The following FBXW7 variants were observed in gnomAD, a reference collection of about 807,000 sequenced individuals.
FBXW7 encodes the protein F-box/WD repeat-containing protein 7.
A neutral mutation model predicts 86.3 loss-of-function variants in FBXW7; 11 were observed. That is an observed-to-expected ratio of 0.13 (90% CI 0.08 to 0.21). FBXW7 has a LOEUF of 0.21. Among genes scored for constraint, FBXW7 ranks in the 10% least tolerant of loss-of-function variants. FBXW7 has a pLI of 1.00. For missense variants in FBXW7, 488 were observed against 847.4 expected (o/e 0.58, Z 5.27); for synonymous variants, 313 against 297.9 (o/e 1.05, Z -0.52).
chr4:152,345,417 T>C (rs1210594234), intron 6 of FBXW7, among the ~76,000 whole-genome samples: 1 of 152,176 alleles, frequency 6.6e-6, no homozygotes, highest in East Asian at 1.9e-4. Context: ...AACATTTTAA[T>C]AACAATAAAA....
intron 2 of FBXW7, among the ~76,000 whole-genome samples, chr4:152,461,389 T>C (rs749984390): frequency 1.3e-5 from 2 of 152,240 alleles, no homozygotes; most frequent in Admixed American, 6.5e-5. Flanking sequence ...AACAAGACTT[T>C]ATTGTTTTTT....
rs770349201 is a variant in FBXW7 at position 152,322,983 on chromosome 4, C to A, written c.2022G>T (p.Arg674=). Residue 674 remains arginine (R), a synonymous_variant, in exon 14 of 14, where the codon CGG becomes CGT. Transcript: ENST00000281708. ...ESGGSGGVVW[R]IRASNTKLVC... Reference sequence around the variant, plus strand: ...CCAGCTTTGTGTTTGAGGCTCTGATCCGCCACACAACTCCCCCACTCCCCC... The same window carrying A: ...CCAGCTTTGTGTTTGAGGCTCTGATACGCCACACAACTCCCCCACTCCCCC... The A allele has an allele frequency of 1.9e-6, 3 of 1,613,760 alleles. No homozygotes were observed. The highest frequency in any genetic ancestry group is 1.7e-6 in the Non-Finnish European group (2 of 1,179,826).
At chr4:152,481,777 T>C (rs1022205961) in intron 2 of FBXW7, among the ~76,000 whole-genome samples, 8 of 152,198 alleles carry the variant, frequency 5.3e-5, no homozygotes, top group African/African-American at 1.7e-4. Flanking sequence ...CAGAGCCTGA[T>C]AACATGATTG....
At chr4:152,458,409 C>T (rs895478366) in intron 2 of FBXW7, among the ~76,000 whole-genome samples, 1 of 152,212 alleles carries the variant, frequency 6.6e-6, no homozygotes, top group Non-Finnish European at 1.5e-5. Context: ...TTAAGAGCAT[C>T]TAACAAATTT....
At chr4:152,532,960 G>T (rs377538683) in intron 2 of FBXW7, among the ~76,000 whole-genome samples, 2 of 152,304 alleles carry the variant, frequency 1.3e-5, no homozygotes. Context: ...GCCGAGGTGG[G>T]CAGATCATTT....
At chr4:152,424,066 C>T (rs2126925401) in intron 2 of FBXW7, among the ~76,000 whole-genome samples, 2 of 152,166 alleles carry the variant, frequency 1.3e-5, no homozygotes, top group Middle Eastern at 3.4e-3. Context: ...AGATGGGGGT[C>T]CCACTATGTT....
chr4:152,433,188 G>A (rs77925115), intron 2 of FBXW7, among the ~76,000 whole-genome samples: 2,080 of 152,254 alleles, frequency 0.014, 25 homozygotes, highest in Middle Eastern at 0.037. Context: ...GCTGCTATAA[G>A]CATTCTTGTG....
intron 4 of FBXW7, among the ~76,000 whole-genome samples, chr4:152,374,884 A>G (rs914531534): frequency 2.0e-5 from 3 of 151,078 alleles, no homozygotes; most frequent in Non-Finnish European, 4.4e-5. Context: ...GACTAGTTAC[A>G]GGAGGGGGGG....
At chr4:152,479,813 G>A (rs531705941) in intron 2 of FBXW7, among the ~76,000 whole-genome samples, 49 of 152,220 alleles carry the variant, frequency 3.2e-4, no homozygotes, top group East Asian at 2.1e-3. Flanking sequence ...CTTTGTAGTC[G>A]TACAAGATTT....
chr4:152,534,139 G>A (rs1188132396), intron 2 of FBXW7, among the ~76,000 whole-genome samples: 3 of 151,304 alleles, frequency 2.0e-5, no homozygotes, highest in African/African-American at 7.3e-5. Flanking sequence ...ATAATGGAAG[G>A]AAAAAATCAT....
intron 2 of FBXW7, among the ~76,000 whole-genome samples, chr4:152,431,835 GACTC>G (rs1317049967): frequency 1.4e-4 from 21 of 152,114 alleles, no homozygotes; most frequent in Non-Finnish European, 7.4e-5. Context: ...TTAAAAAACA[GACTC>G]ACTAGTTTTA....
chr4:152,461,468 G>A (rs1012211859), intron 2 of FBXW7, among the ~76,000 whole-genome samples: 2 of 151,828 alleles, frequency 1.3e-5, no homozygotes, highest in African/African-American at 4.8e-5. Context: ...TTTGATCCAC[G>A]GTTGGTTGAA....
intron 5 of FBXW7, among the ~76,000 whole-genome samples, 179 bp downstream of exon 5, chr4:152,349,863 C>T (rs1731637459): frequency 6.6e-6 from 1 of 151,780 alleles, no homozygotes; most frequent in South Asian, 2.1e-4. Context: ...AAAACATAAA[C>T]TAAGGTGGCA....
At position 152,326,165 on chromosome 4, in the gene FBXW7, A is replaced by G; in HGVS notation, c.1485T>C (p.His495=). ...CTGCTGCAACATGACCCATCAAAAC[A>G]TGTAAACACTGGCCTGTCTCAATAT... is the stretch of plus-strand genomic sequence containing the variant. The part of the protein sequence containing the change: ...VWDIETGQCL[H]VLMGHVAAVR... The change falls in exon 12 of 14, where the codon CAT becomes CAC. Residue 495 remains histidine (H), a synonymous_variant. Transcript: ENST00000281708. 1 of 1,613,356 alleles carries G rather than the reference A, an allele frequency of 6.2e-7. No homozygotes were observed. Among genetic ancestry groups the G allele is most frequent in the Non-Finnish European group, 8.5e-7 (1 of 1,179,530 alleles).
intron 6 of FBXW7, among the ~76,000 whole-genome samples, chr4:152,338,983 T>C (rs1365364489): frequency 6.6e-6 from 1 of 152,154 alleles, no homozygotes; most frequent in Non-Finnish European, 1.5e-5. Flanking sequence ...ATGAAATATA[T>C]AATAATTGAC....
chr4:152,434,851 T>C (rs1265346469), intron 2 of FBXW7, among the ~76,000 whole-genome samples: 3 of 152,072 alleles, frequency 2.0e-5, no homozygotes, highest in Non-Finnish European at 2.9e-5. Context: ...GTTTGTATAA[T>C]GTGCTTCAGA....
chr4:152,339,814 C>G (rs957141037), intron 6 of FBXW7, among the ~76,000 whole-genome samples: 1 of 151,156 alleles, frequency 6.6e-6, no homozygotes, highest in Non-Finnish European at 1.5e-5. Context: ...TGGTGGAATG[C>G]GCCTGTAGTC....
At chr4:152,358,295 T>G (rs1732593085) in intron 4 of FBXW7, among the ~76,000 whole-genome samples, 1 of 152,166 alleles carries the variant, frequency 6.6e-6, no homozygotes, top group Admixed American at 6.5e-5. Context: ...ATATAAGGCC[T>G]AAACCCTATT....
intron 2 of FBXW7, among the ~76,000 whole-genome samples, chr4:152,534,333 CAAGT>C (rs2149754750): frequency 6.6e-6 from 1 of 152,070 alleles, no homozygotes; most frequent in East Asian, 1.9e-4. Context: ...TGCTCTTCCC[CAAGT>C]AAGTTGTGAT....
Sources: allele counts gnomAD v4.1 joint callset (sites outside exome capture counted in the v4.1 genomes callset), GRCh38; gene constraint gnomAD v4.1.1; transcripts MANE v1.5; gene names NCBI Gene and HGNC (gene_info 2026-07-23, HGNC 2026-07-21).